FAM185A: variants seen among roughly 807,000 people sequenced by gnomAD.
FAM185A encodes the protein protein FAM185A.
In FAM185A, 21 loss-of-function variants were observed where a neutral mutation model predicts 45.7. The ratio of observed to expected loss-of-function variants is 0.46; its 90% confidence interval spans 0.33 to 0.66. FAM185A has a LOEUF of 0.66. FAM185A is among the 30% of genes least tolerant of loss of function. FAM185A has a pLI of 0.03. For missense variants in FAM185A, 305 were observed against 485.4 expected (o/e 0.63, Z 3.49); for synonymous variants, 117 against 194.0 (o/e 0.60, Z 3.30).
intron 5 of FAM185A, among the ~76,000 whole-genome samples, chr7:102,774,920 C>T (rs1257824914): frequency 6.6e-6 from 1 of 152,068 alleles, no homozygotes; most frequent in Non-Finnish European, 1.5e-5. Context: ...AAATATCTAT[C>T]ATTTACTCAG....
chr7:102,834,116 AAGAAAGAAAGAAAGAAAG>A, the FAM185A span, among the ~76,000 whole-genome samples: 6 of 116,306 alleles, frequency 5.2e-5, no homozygotes, highest in African/African-American at 1.7e-4. Flanking sequence ...GAAAGAAAGA[AAGAAAGAAAGAAAGAAAG>A]AAAGAAAAGA....
intron 7 of FAM185A, among the ~76,000 whole-genome samples, chr7:102,788,068 G>A (rs1356096681): frequency 6.6e-6 from 1 of 152,060 alleles, no homozygotes; most frequent in Admixed American, 6.5e-5. Context: ...GGGTTCAAAC[G>A]ATTCTGTTGC....
intron 4 of FAM185A, among the ~76,000 whole-genome samples, chr7:102,771,797 G>T (rs927605440): frequency 1.3e-5 from 2 of 152,132 alleles, no homozygotes; most frequent in Non-Finnish European, 2.9e-5. Context: ...GAAAGGGGCT[G>T]GGAAGAATGG....
chr7:102,824,489 CTCT>C, the FAM185A span, among the ~76,000 whole-genome samples: 1 of 151,820 alleles, frequency 6.6e-6, no homozygotes, highest in Non-Finnish European at 1.5e-5. Context: ...ATTTTGCATC[CTCT>C]TTTTTTCTTT....
intron 6 of FAM185A, among the ~76,000 whole-genome samples, chr7:102,783,270 G>C (rs1795535825): frequency 6.6e-6 from 1 of 152,026 alleles, no homozygotes; most frequent in Non-Finnish European, 1.5e-5. Flanking sequence ...GGATATTCAG[G>C]AATTGAACTC....
At chr7:102,833,436 C>CTTTT in the FAM185A span, among the ~76,000 whole-genome samples, 1 of 134,616 alleles carries the variant, frequency 7.4e-6, no homozygotes, top group Non-Finnish European at 1.6e-5. Flanking sequence ...AGCCTGTTTC[C>CTTTT]TTTTTTTTTT....
At chr7:102,846,874 G>A in the FAM185A span, among the ~76,000 whole-genome samples, 1 of 152,174 alleles carries the variant, frequency 6.6e-6, no homozygotes, top group Non-Finnish European at 1.5e-5. Flanking sequence ...GACAGCCACA[G>A]GCTCAATGCT....
chr7:102,787,352 G>T lies in FAM185A; in HGVS notation c.949G>T (p.Val317Phe), dbSNP rs745892812. Residue 317 changes from valine (V) to phenylalanine (F), a missense_variant, in exon 7 of 8, where the codon GTC becomes TTC. This residue lies in a region of FAM185A where 9 missense variants were observed against 50.5 expected (regional missense o/e 0.18). Transcript: ENST00000413034. The stretch of plus-strand genomic sequence containing the variant: ...TATTACAGGTTCTATTATTGTCAAG[G>T]TCCCATCTTCACTTCAAGCTCATTT... ...KSHKGSIIVK[V>F]PSSLQAHLQL... 4.7e-6 allele frequency: 7 copies of T among 1,478,472 alleles called. No homozygotes were observed. The highest frequency in any genetic ancestry group is 4.7e-5 in the Admixed American group (2 of 42,848). 91.6% of individuals were successfully genotyped at this position (1,478,472 alleles called of 1,614,324 possible).
At chr7:102,831,627 C>T in the FAM185A span, among the ~76,000 whole-genome samples, 1 of 152,042 alleles carries the variant, frequency 6.6e-6, no homozygotes, top group Non-Finnish European at 1.5e-5. Context: ...ATTTTCATCC[C>T]CACTCTTAAC....
chr7:102,822,078 G>A, the FAM185A span: 3 of 1,614,200 alleles, frequency 1.9e-6, no homozygotes, highest in South Asian at 2.2e-5. Context: ...TAAGGATCCG[G>A]AGTTGTTTGC....
the FAM185A span, among the ~76,000 whole-genome samples, chr7:102,826,752 T>TATATAC: frequency 8.8e-6 from 1 of 114,264 alleles, no homozygotes; most frequent in African/African-American, 3.4e-5. Flanking sequence ...TATATATATA[T>TATATAC]ATATATATAT....
At position 102,808,695 on chromosome 7, in the gene FAM185A, T is replaced by A. The variant is rs1331449461; in HGVS notation, c.*293T>A. 3.4e-6 allele frequency: 1 copy of A among 296,478 alleles called. No individual in the cohort carries two copies. Among genetic ancestry groups the A allele is most frequent in the Non-Finnish European group, 6.4e-6 (1 of 155,152 alleles). 18.4% of individuals were successfully genotyped at this position (296,478 alleles called of 1,614,324 possible). ...CTAGAAATCAAGATTTTGGCCAGGCTGAGTTCTCATCTGGAGTCTCTGGGA... is the reference window on the plus strand; with the variant it reads ...CTAGAAATCAAGATTTTGGCCAGGCAGAGTTCTCATCTGGAGTCTCTGGGA... On this transcript the variant is annotated 3_prime_UTR_variant, in exon 8 of 8. Transcript: ENST00000413034.
intron 7 of FAM185A, among the ~76,000 whole-genome samples, chr7:102,803,124 C>T (rs1796890777): frequency 6.6e-6 from 1 of 152,084 alleles, no homozygotes; most frequent in Non-Finnish European, 1.5e-5. Context: ...TGGTACCAAT[C>T]CTATTGACAC....
intron 4 of FAM185A, 131 bp downstream of exon 4, chr7:102,761,542 T>A (rs538156973): frequency 4.1e-4 from 239 of 577,732 alleles, no homozygotes; most frequent in South Asian, 8.2e-4. Context: ...ACCATCTTTT[T>A]AAAAAAAAAA....
At chr7:102,775,102 A>G (rs576948591) in intron 5 of FAM185A, among the ~76,000 whole-genome samples, 1 of 152,262 alleles carries the variant, frequency 6.6e-6, no homozygotes, top group East Asian at 1.9e-4. Context: ...GATTTGATAT[A>G]CATATATACT....
the FAM185A span, among the ~76,000 whole-genome samples, chr7:102,842,294 A>G: frequency 6.6e-6 from 1 of 152,222 alleles, no homozygotes; most frequent in South Asian, 2.1e-4. Context: ...AGTTACTGAA[A>G]TCTCATGCTT....
At chr7:102,778,053 A>G (rs112081895) in intron 6 of FAM185A, among the ~76,000 whole-genome samples, 8 of 152,218 alleles carry the variant, frequency 5.3e-5, no homozygotes, top group African/African-American at 1.4e-4. Context: ...TAAGAACTGT[A>G]GCTCTGTATA....
intron 7 of FAM185A, among the ~76,000 whole-genome samples, chr7:102,793,633 A>G (rs1796270350): frequency 6.6e-6 from 1 of 152,090 alleles, no homozygotes; most frequent in African/African-American, 2.4e-5. Context: ...TTTTCTTTCC[A>G]TTCATCTGCA....
At chr7:102,810,739 G>A (rs1032629009), downstream of FAM185A, among the ~76,000 whole-genome samples, 3 of 151,798 alleles carry the variant, frequency 2.0e-5, no homozygotes, top group Non-Finnish European at 4.4e-5. Flanking sequence ...ATTACAGGCA[G>A]GTGCCACCAT....
Sources: allele counts gnomAD v4.1 joint callset (sites outside exome capture counted in the v4.1 genomes callset), GRCh38; gene constraint gnomAD v4.1.1; regional missense constraint gnomAD v4.1.1; transcripts MANE v1.5; gene names NCBI Gene and HGNC (gene_info 2026-07-23, HGNC 2026-07-21).